The following CDH13 variants were observed in gnomAD, a reference collection of about 807,000 sequenced individuals.
CDH13 encodes the protein cadherin 13.
CDH13 carries 24 observed loss-of-function variants against 63.8 expected under a neutral mutation model. That is an observed-to-expected ratio of 0.38 (90% CI 0.27 to 0.53). CDH13 has a LOEUF of 0.53. Ranked by LOEUF, CDH13 falls within the 20% of genes least tolerant of loss-of-function variation. The pLI is 0.85. For missense variants in CDH13, 1,049 were observed against 903.1 expected, an observed-to-expected ratio of 1.16 and a Z score of -2.07; for synonymous variants, 503 against 355.3, an observed-to-expected ratio of 1.42 and a Z score of -4.67.
At chr16:83,584,949 C>G (rs1906003119) in intron 7 of CDH13, among the ~76,000 whole-genome samples, 1 of 152,126 alleles carries the variant, frequency 6.6e-6, no homozygotes, top group Non-Finnish European at 1.5e-5. Context: ...TAGGAGAACT[C>G]ACTCACTACT....
At chr16:82,910,268 C>T (rs1283733349) in intron 2 of CDH13, among the ~76,000 whole-genome samples, 1 of 152,150 alleles carries the variant, frequency 6.6e-6, no homozygotes, top group Non-Finnish European at 1.5e-5. Context: ...CATAATCCAG[C>T]CTATTCTGGC....
chr16:83,698,745 C>G (rs1178608909), intron 10 of CDH13, among the ~76,000 whole-genome samples: 1 of 152,248 alleles, frequency 6.6e-6, no homozygotes, highest in East Asian at 1.9e-4. Context: ...CCTGTATTGT[C>G]TTCTGTTAGA....
chr16:82,735,631 C>T (rs1007739189), intron 1 of CDH13, among the ~76,000 whole-genome samples: 2 of 152,168 alleles, frequency 1.3e-5, no homozygotes, highest in Non-Finnish European at 2.9e-5. Flanking sequence ...TGTGGTTTGA[C>T]ACAGTGTCTA....
intron 2 of CDH13, among the ~76,000 whole-genome samples, chr16:82,980,264 C>T (rs1910086240): frequency 6.6e-6 from 1 of 152,114 alleles, no homozygotes; most frequent in African/African-American, 2.4e-5. Flanking sequence ...ACACCTGATT[C>T]CTTTTCTCCC....
chr16:83,564,680 A>T (rs1044228590), intron 7 of CDH13, among the ~76,000 whole-genome samples: 3 of 152,180 alleles, frequency 2.0e-5, no homozygotes, highest in Non-Finnish European at 2.9e-5. Context: ...AAGTGCTGAG[A>T]TTATAGGCAT....
In CDH13 at chr16:83,588,096, G is replaced by A. The variant is rs550418397; in HGVS notation, c.961-14358G>A. On this transcript the variant is annotated intron_variant, in intron 7 of 13. Coordinates refer to ENST00000567109, the MANE Select transcript of CDH13 (RefSeq NM_001257.5). ...CCTGGGGCTGGGACCAGCCAGTGGGGCATCTGCCTCAAGGTGGAAAAGAGC... is the reference window on the plus strand; with the variant it reads ...CCTGGGGCTGGGACCAGCCAGTGGGACATCTGCCTCAAGGTGGAAAAGAGC... 4.6e-5 allele frequency among the ~76,000 whole-genome samples: 7 copies of A among 152,334 alleles called. No individual in the cohort carries two copies. The East Asian group carries it at 1.4e-3, about 29-fold the overall frequency.
At chr16:83,427,232 G>A (rs2071938394) in intron 6 of CDH13, among the ~76,000 whole-genome samples, 1 of 151,964 alleles carries the variant, frequency 6.6e-6, no homozygotes, top group African/African-American at 2.4e-5. Flanking sequence ...TTTCTTACAT[G>A]GTCAAAGAAA....
intron 7 of CDH13, among the ~76,000 whole-genome samples, chr16:83,515,171 G>A (rs2074672336): frequency 6.6e-6 from 1 of 152,138 alleles, no homozygotes; most frequent in African/African-American, 2.4e-5. Context: ...CCCTGCAGAT[G>A]TAAGAACTCT....
At chr16:83,198,793 A>G (rs1018827956) in intron 4 of CDH13, among the ~76,000 whole-genome samples, 27 of 152,210 alleles carry the variant, frequency 1.8e-4, no homozygotes, top group African/African-American at 6.0e-4. Flanking sequence ...CCCAACCAGT[A>G]TTAATATTTT....
Position 83,678,204 on chromosome 16 carries a change from C to G in CDH13, c.1285-4C>G, listed in dbSNP as rs937388734. On this transcript the variant is annotated splice_region_variant and splice_polypyrimidine_tract_variant and intron_variant, in intron 9 of 13. Transcript: ENST00000567109. ...ATCCTGAGACCCTTCTGTCTGCTTT[C>G]CAGCCATTGGACTATGAAATTTCTG... 1 of 1,607,416 alleles carries G rather than the reference C, an allele frequency of 6.2e-7. No homozygotes were observed. The highest frequency in any genetic ancestry group is 2.2e-5 in the East Asian group (1 of 44,734).
At chr16:83,094,101 C>T (rs13380542) in intron 3 of CDH13, among the ~76,000 whole-genome samples, 2,708 of 152,244 alleles carry the variant, frequency 0.018, 86 homozygotes, top group African/African-American at 0.063. Context: ...GCAATTAATC[C>T]TCATTGTTGT....
intron 10 of CDH13, chr16:83,710,111 C>G (rs541202953): frequency 1.3e-5 from 2 of 152,184 alleles, no homozygotes; most frequent in African/African-American, 4.8e-5. Flanking sequence ...GGCAGAGGCC[C>G]GGGTTGCTGG....
chr16:83,745,776 T>C (rs532201976), intron 10 of CDH13, among the ~76,000 whole-genome samples: 25 of 152,136 alleles, frequency 1.6e-4, no homozygotes, highest in Admixed American at 7.2e-4. Context: ...ACAGGAGGCA[T>C]CCCTCTGGCT....
chr16:83,713,475 G>A (rs1266677865), intron 10 of CDH13, among the ~76,000 whole-genome samples: 1 of 150,958 alleles, frequency 6.6e-6, no homozygotes, highest in Non-Finnish European at 1.5e-5. Flanking sequence ...AACCAAGTAG[G>A]TAGATATTTG....
chr16:83,581,560 T>C (rs1905602409), intron 7 of CDH13, among the ~76,000 whole-genome samples: 1 of 152,178 alleles, frequency 6.6e-6, no homozygotes, highest in Non-Finnish European at 1.5e-5. Context: ...GGCTCACACC[T>C]GTAATCCCAG....
chr16:83,278,286 G>C (rs1464144536), intron 5 of CDH13, among the ~76,000 whole-genome samples: 2 of 152,152 alleles, frequency 1.3e-5, no homozygotes, highest in Non-Finnish European at 2.9e-5. Flanking sequence ...ACCAGATCCA[G>C]CTTAAAGTCA....
intron 3 of CDH13, among the ~76,000 whole-genome samples, chr16:83,058,834 T>C (rs1386536671): frequency 6.6e-6 from 1 of 152,216 alleles, no homozygotes; most frequent in Non-Finnish European, 1.5e-5. Context: ...AGAAACTATC[T>C]GGTGATGAGA....
At chr16:82,652,328 C>A (rs1910813615) in intron 1 of CDH13, among the ~76,000 whole-genome samples, 1 of 152,126 alleles carries the variant, frequency 6.6e-6, no homozygotes. Flanking sequence ...CTCACCTGGG[C>A]CAGGATTGTG....
At chr16:82,962,474 C>T (rs750967687) in intron 2 of CDH13, among the ~76,000 whole-genome samples, 3 of 152,116 alleles carry the variant, frequency 2.0e-5, no homozygotes, top group Non-Finnish European at 2.9e-5. Context: ...AATAGGAAAC[C>T]GATCAGATGC....
Sources: gnomAD v4.1 joint callset for allele counts (sites outside exome capture counted in the v4.1 genomes callset) on GRCh38, gnomAD v4.1.1 for gene constraint, MANE v1.5 for transcripts, NCBI Gene and HGNC (gene_info 2026-07-23, HGNC 2026-07-21) for gene names.